Variants in EFCAB13 observed in about 807,000 individuals in gnomAD.
The protein encoded by EFCAB13 is EF-hand calcium binding domain 13.
EFCAB13 carries 91 observed loss-of-function variants against 110.2 expected under a neutral mutation model. That is an observed-to-expected ratio of 0.83 (90% CI 0.70 to 0.98). The LOEUF is 0.98. EFCAB13 is among the 50% of genes least tolerant of loss of function. The probability of loss-of-function intolerance (pLI) is 0.00; values close to 1 mark genes in which losing one functional copy is unlikely to be tolerated. For missense variants in EFCAB13, 968 were observed against 1,119.4 expected (o/e 0.86, Z 1.93); for synonymous variants, 323 against 369.9 (o/e 0.87, Z 1.45).
chr17:47,374,784 A>T lies in EFCAB13; in HGVS notation c.1190A>T (p.Lys397Met). The T allele has an allele frequency of 6.2e-7, 1 of 1,614,106 alleles. No individual in the cohort carries two copies. Among genetic ancestry groups the T allele is most frequent in the Non-Finnish European group, 8.5e-7 (1 of 1,179,974 alleles). ...NGINFKKHSE[K>M]GEIHDSKSKP... ...ATAAACTTTAAAAAACATTCAGAGA[A>T]GGGTGAAATTCATGACTCAAAGTCT... The change falls in exon 12 of 25, where the codon AAG becomes ATG. Residue 397 changes from lysine to methionine, a missense_variant. Transcript: ENST00000331493.
chr17:47,424,874 CTTTTTTTTTTT>C (rs548271723), intron 23 of EFCAB13, among the ~76,000 whole-genome samples: 2,036 of 36,926 alleles, frequency 0.055, 263 homozygotes, highest in African/African-American at 0.23. Flanking sequence ...GGTTGACAAT[CTTTTTTTTTTT>C]TTTTTTTTTT....
At chr17:47,344,375 A>ATTT (rs1567782599) in intron 7 of EFCAB13, 83 bp downstream of exon 7, 10 of 1,461,446 alleles carry the variant, frequency 6.8e-6, no homozygotes, top group African/African-American at 5.7e-5. Context: ...TCCCTTCCAC[A>ATTT]TAAAGAATAT....
intron 23 of EFCAB13, 38 bp from the exon 24 acceptor site, chr17:47,429,780 C>T (rs780043298): frequency 6.5e-7 from 1 of 1,550,066 alleles, no homozygotes; most frequent in Non-Finnish European, 8.8e-7. Flanking sequence ...TGCTCTATTT[C>T]TGCTGTTGAA....
intron 23 of EFCAB13, among the ~76,000 whole-genome samples, chr17:47,417,799 G>T (rs925500574): frequency 6.6e-6 from 1 of 152,066 alleles, no homozygotes; most frequent in African/African-American, 2.4e-5. Context: ...GGAGTTTATT[G>T]TTTGGGGCTT....
intron 12 of EFCAB13, among the ~76,000 whole-genome samples, 155 bp downstream of exon 12, chr17:47,375,121 G>T (rs2065607635): frequency 6.6e-6 from 1 of 151,736 alleles, no homozygotes; most frequent in South Asian, 2.1e-4. Flanking sequence ...TAGAGACAGG[G>T]TTACCCAGGC....
chr17:47,343,344 A>G (rs2065396447), intron 6 of EFCAB13, among the ~76,000 whole-genome samples: 1 of 152,110 alleles, frequency 6.6e-6, no homozygotes, highest in Non-Finnish European at 1.5e-5. Context: ...TTCCAAACTC[A>G]TGTATGTAGA....
intron 22 of EFCAB13, 50 bp downstream of exon 22, chr17:47,412,966 A>G: frequency 6.3e-7 from 1 of 1,581,454 alleles, no homozygotes; most frequent in Non-Finnish European, 8.6e-7. Flanking sequence ...TCTACTTATG[A>G]AAAATAGTCT....
intron 23 of EFCAB13, among the ~76,000 whole-genome samples, chr17:47,427,909 T>G (rs1416087682): frequency 6.6e-6 from 1 of 151,996 alleles, no homozygotes; most frequent in Admixed American, 6.5e-5. Context: ...TCTGAGAGTT[T>G]GAGTTTGTTT....
chr17:47,368,528 A>C (rs1250450607), intron 10 of EFCAB13, among the ~76,000 whole-genome samples: 1 of 152,196 alleles, frequency 6.6e-6, no homozygotes, highest in East Asian at 1.9e-4. Flanking sequence ...ACAGCTCAGA[A>C]ATGAAGCTCA....
At chr17:47,368,591 T>C (rs147096257) in intron 10 of EFCAB13, among the ~76,000 whole-genome samples, 26 of 152,296 alleles carry the variant, frequency 1.7e-4, no homozygotes, top group South Asian at 8.3e-4. Context: ...TTATTCACTG[T>C]ACCATTTCTG....
intron 24 of EFCAB13, among the ~76,000 whole-genome samples, chr17:47,438,603 C>T (rs749025445): frequency 6.6e-6 from 1 of 151,470 alleles, no homozygotes; most frequent in Non-Finnish European, 1.5e-5. Flanking sequence ...TGAGACTTTC[C>T]GGAGCATTTT....
At chr17:47,371,538 G>A (rs1019963702) in intron 11 of EFCAB13, among the ~76,000 whole-genome samples, 5 of 152,056 alleles carry the variant, frequency 3.3e-5, no homozygotes, top group African/African-American at 1.2e-4. Context: ...GCTTTGTTGG[G>A]TGTAAACCAA....
intron 5 of EFCAB13, among the ~76,000 whole-genome samples, chr17:47,336,719 G>C (rs1030235384): frequency 1.3e-5 from 2 of 151,612 alleles, no homozygotes; most frequent in African/African-American, 2.4e-5. Context: ...GATTACAAGC[G>C]TGAGCCACTG....
Position 47,374,573 on chromosome 17 carries a change from T to C in EFCAB13, c.979T>C (p.Ser327Pro), listed in dbSNP as rs2065603367. The C allele has an allele frequency of 1.3e-6, 2 of 1,597,040 alleles. No homozygotes were observed. The highest frequency in any genetic ancestry group is 2.3e-5 in the South Asian group (2 of 86,394). ...ATATAAGAAGAAAAATAGTTTGTCT[T>C]CCAAACTCCCTGAACCTTCAATATC... The part of the protein sequence containing the change: ...LKYKKKNSLS[S>P]KLPEPSISKK... Residue 327 changes from serine to proline, a missense_variant, in exon 12 of 25, where the codon TCC (serine) becomes CCC (proline). Physicochemically the swap from Ser to Pro is moderately conservative, Grantham distance 74 (BLOSUM62 -1). Coordinates refer to ENST00000331493, the MANE Select transcript of EFCAB13 (RefSeq NM_152347.5).
intron 20 of EFCAB13, among the ~76,000 whole-genome samples, chr17:47,408,298 A>T (rs2065815640): frequency 6.6e-6 from 1 of 152,200 alleles, no homozygotes; most frequent in South Asian, 2.1e-4. Flanking sequence ...ATGTACTGAG[A>T]TAGAGTTTAC....
chr17:47,385,437 G>A (rs1365148653), intron 14 of EFCAB13, among the ~76,000 whole-genome samples: 2 of 151,662 alleles, frequency 1.3e-5, no homozygotes, highest in East Asian at 3.9e-4. Flanking sequence ...GATTGATTCA[G>A]CTATTGATAC....
intron 9 of EFCAB13, 83 bp downstream of exon 9, chr17:47,348,034 C>T: frequency 9.0e-7 from 1 of 1,117,314 alleles, no homozygotes; most frequent in East Asian, 2.9e-5. Flanking sequence ...GATAGGAAAG[C>T]TAAACCTTAA....
intron 11 of EFCAB13, 53 bp from the exon 12 acceptor site, chr17:47,374,419 T>A (rs1320945604): frequency 7.5e-7 from 1 of 1,340,614 alleles, no homozygotes; most frequent in Non-Finnish European, 9.9e-7. Flanking sequence ...ATTTTTGAAA[T>A]GTATTGCAAA....
chr17:47,331,782 A>G (rs1171107823), intron 4 of EFCAB13, among the ~76,000 whole-genome samples: 8 of 151,962 alleles, frequency 5.3e-5, no homozygotes, highest in Non-Finnish European at 4.4e-5. Flanking sequence ...CTGTCTCCAT[A>G]GTTTTGCCTT....
Sources: allele counts gnomAD v4.1 joint callset (sites outside exome capture counted in the v4.1 genomes callset), GRCh38; gene constraint gnomAD v4.1.1; transcripts MANE v1.5; gene names NCBI Gene and HGNC (gene_info 2026-07-23, HGNC 2026-07-21).